TAFA5: variants seen among roughly 807,000 people sequenced by gnomAD.
TAFA5 encodes TAFA chemokine like family member 5, also known as chemokine-like protein TAFA-5.
TAFA5 carries 6 observed loss-of-function variants against 15.3 expected under a neutral mutation model. The ratio of observed to expected loss-of-function variants is 0.39; its 90% CI spans 0.21 to 0.77. The LOEUF is 0.77. TAFA5 is among the 30% of genes least tolerant of loss of function. The pLI, the probability that TAFA5 is intolerant of heterozygous loss-of-function variation, is 0.41. For missense variants in TAFA5, 161 were observed against 193.1 expected, an observed-to-expected ratio of 0.83 and a Z score of 0.98; for synonymous variants, 103 against 80.7, an observed-to-expected ratio of 1.28 and a Z score of -1.48.
chr22:48,581,704 C>T (rs1026256097), intron 1 of TAFA5, among the ~76,000 whole-genome samples: 6 of 152,266 alleles, frequency 3.9e-5, no homozygotes, highest in East Asian at 3.9e-4. Flanking sequence ...TGTGTGTACA[C>T]GTGCCTGCTT....
intron 2 of TAFA5, among the ~76,000 whole-genome samples, chr22:48,655,589 C>T (rs965000512): frequency 3.9e-5 from 6 of 152,072 alleles, no homozygotes; most frequent in Non-Finnish European, 8.8e-5. Context: ...GCTTTCATGA[C>T]CTGAACATCG....
chr22:48,575,299 G>C (rs1313964300), intron 1 of TAFA5, among the ~76,000 whole-genome samples: 1 of 151,752 alleles, frequency 6.6e-6, no homozygotes, highest in African/African-American at 2.4e-5. Context: ...TGACCCGCCG[G>C]CGCGCCAGGC....
In TAFA5 at chr22:48,630,986, G is replaced by A. The variant is rs1440731246; in HGVS notation, c.113-15611G>A. Among the ~76,000 whole-genome samples the A allele has an allele frequency of 2.0e-5, 3 of 152,214 alleles. No individual in the cohort carries two copies. The South Asian group carries it at 6.2e-4, about 32-fold the overall frequency. On this transcript the variant is annotated intron_variant, in intron 1 of 3. Coordinates refer to ENST00000402357, the MANE Select transcript of TAFA5 (RefSeq NM_001082967.3). The stretch of plus-strand genomic sequence containing the variant: ...CACCGAGGACAGGGGAACTCGGCGT[G>A]TCCTGCAGCCAGGGGCCGGCGCTCT...
chr22:48,662,831 T>C (rs1385897793), intron 2 of TAFA5, among the ~76,000 whole-genome samples: 1 of 152,230 alleles, frequency 6.6e-6, no homozygotes, highest in East Asian at 1.9e-4. Context: ...CATCCTGGCC[T>C]ACCCGCTGTC....
intron 1 of TAFA5, among the ~76,000 whole-genome samples, chr22:48,581,052 A>G (rs1924020710): frequency 6.6e-6 from 1 of 152,226 alleles, no homozygotes. Context: ...GTGGAAATGA[A>G]AAGGCGTTAA....
intron 1 of TAFA5, among the ~76,000 whole-genome samples, chr22:48,500,675 G>A (rs186839640): frequency 2.6e-5 from 4 of 152,356 alleles, no homozygotes; most frequent in Non-Finnish European, 4.4e-5. Flanking sequence ...CCGTGACGAC[G>A]TGGCTAATTG....
chr22:48,668,836 C>T (rs1927709676), intron 2 of TAFA5, among the ~76,000 whole-genome samples: 1 of 152,238 alleles, frequency 6.6e-6, no homozygotes, highest in South Asian at 2.1e-4. Flanking sequence ...ATTAACTTCC[C>T]TCCTGGTGGA....
intron 1 of TAFA5, among the ~76,000 whole-genome samples, chr22:48,534,938 G>A (rs949328723): frequency 2.6e-5 from 4 of 152,268 alleles, no homozygotes; most frequent in East Asian, 3.9e-4. Flanking sequence ...CAGCACAGAC[G>A]CCTTAGCTCC....
intron 3 of TAFA5, among the ~76,000 whole-genome samples, chr22:48,729,414 TA>T: frequency 1.4e-5 from 2 of 146,712 alleles, no homozygotes; most frequent in South Asian, 4.2e-4. Flanking sequence ...ATATTTATAT[TA>T]TAAATTCGTA....
intron 1 of TAFA5, among the ~76,000 whole-genome samples, chr22:48,640,309 G>T (rs1926626081): frequency 2.0e-5 from 3 of 152,146 alleles, no homozygotes; most frequent in Admixed American, 6.5e-5. Context: ...TGGCGTCTGA[G>T]TGGGCATGGG....
intron 3 of TAFA5, among the ~76,000 whole-genome samples, chr22:48,715,202 G>A (rs536344487): frequency 2.6e-5 from 4 of 152,350 alleles, no homozygotes; most frequent in African/African-American, 9.6e-5. Context: ...ATGAGTTGGG[G>A]GCCACAGGGC....
chr22:48,639,481 G>A (rs1289237747), intron 1 of TAFA5, among the ~76,000 whole-genome samples: 2 of 152,214 alleles, frequency 1.3e-5, no homozygotes, highest in Non-Finnish European at 1.5e-5. Flanking sequence ...GTGGGTCTGC[G>A]CCCCACGGGT....
intron 1 of TAFA5, among the ~76,000 whole-genome samples, chr22:48,529,420 C>G (rs1383685985): frequency 8.7e-5 from 7 of 80,716 alleles, no homozygotes; most frequent in Non-Finnish European, 2.3e-5. Context: ...ATGGGGATGT[C>G]AGGCAGGAGA....
chr22:48,654,764 G>T (rs991670152), intron 2 of TAFA5, among the ~76,000 whole-genome samples: 5 of 152,130 alleles, frequency 3.3e-5, no homozygotes, highest in Non-Finnish European at 7.4e-5. Flanking sequence ...GCTGGGAGGA[G>T]CTCCTGTGTG....
intron 1 of TAFA5, among the ~76,000 whole-genome samples, chr22:48,590,548 G>A (rs1484416888): frequency 6.6e-6 from 1 of 152,176 alleles, no homozygotes; most frequent in African/African-American, 2.4e-5. Context: ...GGCTTCTCGA[G>A]CATCTCCTAA....
chr22:48,490,783 A>AAAAAG lies in TAFA5; in HGVS notation c.112+1083_112+1084insGAAAA. ...GGAAAAATATGGATTCTTTACAAAAAAAAAAAAAAAAGGCCAGCACCGAAC... is the reference window on the plus strand; with the variant it reads ...GGAAAAATATGGATTCTTTACAAAAAAAAAGAAAAAAAAAAAGGCCAGCACCGAAC... On this transcript the variant is annotated intron_variant, in intron 1 of 3. Coordinates refer to ENST00000402357, the MANE Select transcript of TAFA5 (RefSeq NM_001082967.3). This position sits in a 1 kb window ranked among gnomAD's most constrained non-coding sequence, Gnocchi z 5.8. 7.0e-6 allele frequency among the ~76,000 whole-genome samples: 1 copy of AAAAAG among 143,868 alleles called. No homozygotes were observed. The highest frequency in any genetic ancestry group is 1.5e-5 in the Non-Finnish European group (1 of 66,520). 94.4% of individuals were successfully genotyped at this position (143,868 alleles called of 152,430 possible).
At chr22:48,587,937 C>CAG (rs1924421267) in intron 1 of TAFA5, among the ~76,000 whole-genome samples, 2 of 152,222 alleles carry the variant, frequency 1.3e-5, no homozygotes, top group African/African-American at 4.8e-5. Context: ...CTTTCTGTCT[C>CAG]AGTCCCCGCA....
At chr22:48,575,822 GGCAGCCCCGCGCCCGGCGC>G (rs1923758520) in intron 1 of TAFA5, among the ~76,000 whole-genome samples, 1 of 143,036 alleles carries the variant, frequency 7.0e-6, no homozygotes, top group African/African-American at 2.5e-5. Context: ...GCGATGGTGC[GGCAGCCCCGCGCCCGGCGC>G]GCAGCCCCGG....
rs948326934 is a variant in TAFA5 at position 48,662,596 on chromosome 22, C to T, written c.262+15850C>T. ...TGTGCAGCGATGCTCTGTGTCCACCCCAGGAGGCCCCAGGCACACGTGGAG... is the reference window on the plus strand; with the variant it reads ...TGTGCAGCGATGCTCTGTGTCCACCTCAGGAGGCCCCAGGCACACGTGGAG... On this transcript the variant is annotated intron_variant, in intron 2 of 3. Coordinates refer to ENST00000402357, the MANE Select transcript of TAFA5 (RefSeq NM_001082967.3). Among the ~76,000 whole-genome samples the T allele has an allele frequency of 3.9e-5, 6 of 152,150 alleles. No homozygotes were observed. In the South Asian group the frequency reaches 1.2e-3, roughly 32 times the overall value.
Sources: allele counts gnomAD v4.1 joint callset (sites outside exome capture counted in the v4.1 genomes callset), GRCh38; gene constraint gnomAD v4.1.1; non-coding constraint Gnocchi (gnomAD v3.1); transcripts MANE v1.5; gene names NCBI Gene and HGNC (gene_info 2026-07-23, HGNC 2026-07-21).